The following HIVEP1 variants were observed in gnomAD, a reference collection of about 807,000 sequenced individuals.
The protein encoded by HIVEP1 is zinc finger protein 40.
A neutral mutation model predicts 180.0 loss-of-function variants in HIVEP1; 36 were observed. The observed-to-expected ratio is 0.20, with a 90% CI of 0.15 to 0.26. The LOEUF (loss-of-function observed/expected upper bound fraction) is 0.26, where lower values mean the gene tolerates loss of function less well. Among genes scored for constraint, HIVEP1 ranks in the 10% least tolerant of loss-of-function variants. The pLI, the probability that HIVEP1 is intolerant of heterozygous loss-of-function variation, is 1.00. For synonymous variants in HIVEP1, 1,239 were observed against 1,239.0 expected (o/e 1.00, Z 0.00); for missense variants, 3,143 against 3,268.7 (o/e 0.96, Z 0.94).
chr6:12,112,362 A>ATTCTTTTTCTCCCTTTTC (rs1341601239), intron 3 of HIVEP1, among the ~76,000 whole-genome samples: 114 of 151,802 alleles, frequency 7.5e-4, no homozygotes, highest in African/African-American at 2.7e-3. Flanking sequence ...TATTGTCTAA[A>ATTCTTTTTCTCCCTTTTC]TTCTTTTTCT....
chr6:12,077,484 C>CT (rs920737267), intron 2 of HIVEP1, among the ~76,000 whole-genome samples: 50 of 152,254 alleles, frequency 3.3e-4, no homozygotes, highest in African/African-American at 1.2e-3. Context: ...CACTTGTCAT[C>CT]TTTCGTAGGC....
chr6:12,124,305 T>C lies in HIVEP1; in HGVS notation c.4510T>C (p.Phe1504Leu), dbSNP rs1022023233. 3.1e-6 allele frequency: 5 copies of C among 1,613,982 alleles called. No homozygotes were observed. The African/African-American group carries it at 5.3e-5, about 17-fold the overall frequency. ...ATCAAACTCCAGCTCTACCAACGTT[T>C]TTCCTGTTCAACAGCTCTGTGATAT... Reference protein sequence around the residue: ...ETSNSSSTNVFPVQQLCDINL... With the variant: ...ETSNSSSTNVLPVQQLCDINL... Residue 1504 changes from phenylalanine to leucine, a missense_variant, in exon 4 of 9, where the codon TTT becomes CTT. Physicochemically the swap from Phe to Leu is conservative, Grantham distance 22. Transcript: ENST00000379388.
Position 12,124,126 on chromosome 6 carries a change from C to G in HIVEP1, c.4331C>G (p.Ser1444Cys). The G allele has an allele frequency of 6.2e-7, 1 of 1,614,154 alleles. No individual in the cohort carries two copies. The highest frequency in any genetic ancestry group is 1.1e-5 in the South Asian group (1 of 91,074). The change falls in exon 4 of 9, where the codon TCT (serine) becomes TGT (cysteine). Residue 1444 changes from serine (S) to cysteine (C), a missense_variant. This residue lies in a region of HIVEP1 where 1,357 missense variants were observed against 1,260.5 expected (regional missense o/e 1.08). Coordinates refer to ENST00000379388, the MANE Select transcript of HIVEP1 (RefSeq NM_002114.4). The stretch of plus-strand genomic sequence containing the variant: ...AACATAGCCCCAGATAGTCATCTGT[C>G]TCCTGTACACCCAACATCTTTCCAA... ...SLNIAPDSHL[S>C]PVHPTSFQNT...
the HIVEP1 span, among the ~76,000 whole-genome samples, chr6:12,178,458 T>C: frequency 6.6e-6 from 1 of 152,134 alleles, no homozygotes; most frequent in Non-Finnish European, 1.5e-5. Context: ...AAATATGCAA[T>C]TCATATTAGA....
chr6:12,121,523 C>T lies in HIVEP1; in HGVS notation c.1728C>T (p.Asp576=). The change falls in exon 4 of 9, where the codon GAC becomes GAT. Residue 576 remains aspartate (D), a synonymous_variant. Coordinates refer to ENST00000379388, the MANE Select transcript of HIVEP1 (RefSeq NM_002114.4). This position sits in a 1 kb window ranked among gnomAD's most constrained non-coding sequence, Gnocchi z 5.3. ...HHVTVSPLRT[D]SPKAMDPKPE... The stretch of plus-strand genomic sequence containing the variant: ...TCACTGTGTCCCCCTTAAGAACTGA[C>T]AGTCCAAAGGCCATGGATCCCAAGC... 1.2e-6 allele frequency: 2 copies of T among 1,614,168 alleles called. No homozygotes were observed. The highest frequency in any genetic ancestry group is 1.7e-6 in the Non-Finnish European group (2 of 1,180,038).
intron 3 of HIVEP1, among the ~76,000 whole-genome samples, chr6:12,106,388 A>G (rs1409701428): frequency 6.6e-6 from 1 of 152,090 alleles, no homozygotes; most frequent in Non-Finnish European, 1.5e-5. Context: ...TTTCTTTATT[A>G]TGTAAGCCAC....
rs1757984120 is a variant in HIVEP1 at position 12,125,208 on chromosome 6, A to G, written c.5413A>G (p.Thr1805Ala). 6.2e-7 allele frequency: 1 copy of G among 1,614,190 alleles called. No homozygotes were observed. Among genetic ancestry groups the G allele is most frequent in the Non-Finnish European group, 8.5e-7 (1 of 1,180,024 alleles). ...KPILVRQVCT[T>A]EPLDGVMLEK... ...TATTTTAGTGAGACAGGTTTGTACT[A>G]CAGAGCCCCTGGACGGTGTGATGTT... Residue 1805 changes from threonine to alanine, a missense_variant, in exon 4 of 9, where the codon ACA becomes GCA. Thr to Ala is a moderately conservative substitution (Grantham distance 58). Coordinates refer to ENST00000379388, the MANE Select transcript of HIVEP1 (RefSeq NM_002114.4).
At chr6:12,168,154 C>G (rs189205259), downstream of HIVEP1, among the ~76,000 whole-genome samples, 2 of 81,340 alleles carry the variant, frequency 2.5e-5, no homozygotes, top group Non-Finnish European at 4.9e-5. Flanking sequence ...ATTATATATA[C>G]AGATATACGT....
chr6:12,011,023 A>C (rs1027572127), upstream of HIVEP1, among the ~76,000 whole-genome samples: 5 of 151,944 alleles, frequency 3.3e-5, no homozygotes, highest in African/African-American at 7.3e-5. Flanking sequence ...CAGCTTCGGC[A>C]CTGGGAAGCA....
In HIVEP1 at chr6:12,120,752, T is replaced by G. The variant is rs752248590; in HGVS notation, c.957T>G (p.Asn319Lys). ...GSLTNLQNQE[N>K]AKLEQVYNIA... Reference sequence around the variant, plus strand: ...TGACAAATCTGCAAAATCAAGAGAATGCCAAACTTGAACAGGTTTATAATA... The same window carrying G: ...TGACAAATCTGCAAAATCAAGAGAAGGCCAAACTTGAACAGGTTTATAATA... Residue 319 changes from asparagine (N) to lysine (K), a missense_variant, in exon 4 of 9, where the codon AAT (asparagine) becomes AAG (lysine). By Grantham distance (94) the Asn-to-Lys change is moderately conservative. This residue lies in a region of HIVEP1 where 306 missense variants were observed against 310.6 expected (regional missense o/e 0.99). Coordinates refer to ENST00000379388, the MANE Select transcript of HIVEP1 (RefSeq NM_002114.4). The G allele has an allele frequency of 6.2e-7, 1 of 1,614,238 alleles. No individual in the cohort carries two copies. The highest frequency in any genetic ancestry group is 1.3e-5 in the African/African-American group (1 of 75,066).
intron 2 of HIVEP1, among the ~76,000 whole-genome samples, chr6:12,072,330 T>C (rs974853241): frequency 6.6e-6 from 1 of 152,194 alleles, no homozygotes; most frequent in Non-Finnish European, 1.5e-5. Context: ...TGGCTAGATA[T>C]AGAATTCTAG....
chr6:12,023,472 T>C (rs1310121785), intron 2 of HIVEP1, among the ~76,000 whole-genome samples: 2 of 152,218 alleles, frequency 1.3e-5, no homozygotes, highest in African/African-American at 2.4e-5. Context: ...CCATGGCTTA[T>C]TTCAAAAACA....
At chr6:12,009,266 G>A (rs1299262304), upstream of HIVEP1, among the ~76,000 whole-genome samples, 1 of 150,858 alleles carries the variant, frequency 6.6e-6, no homozygotes, top group African/African-American at 2.4e-5. Context: ...CGGCGGGGGC[G>A]GGCAGGGTGG....
intron 2 of HIVEP1, among the ~76,000 whole-genome samples, chr6:12,084,900 G>A (rs1327731459): frequency 6.6e-6 from 1 of 152,064 alleles, no homozygotes; most frequent in Non-Finnish European, 1.5e-5. Context: ...ATAGATCTAA[G>A]GGAGCAATAG....
At chr6:12,126,062 G>T (rs771168719) in intron 4 of HIVEP1, among the ~76,000 whole-genome samples, 192 bp downstream of exon 4, 1 of 152,130 alleles carries the variant, frequency 6.6e-6, no homozygotes, top group African/African-American at 2.4e-5. Flanking sequence ...CAAGAGTCTT[G>T]CAGTGATTCT....
intron 2 of HIVEP1, among the ~76,000 whole-genome samples, chr6:12,030,226 C>G (rs1768849760): frequency 1.3e-5 from 2 of 152,044 alleles, no homozygotes; most frequent in Admixed American, 1.3e-4. Context: ...ATTTGTTTCT[C>G]ATCTTTCTCC....
At chr6:12,065,690 TGC>T (rs565391522) in intron 2 of HIVEP1, among the ~76,000 whole-genome samples, 49,965 of 119,450 alleles carry the variant, frequency 0.42, 8,053 homozygotes, top group South Asian at 0.48. Context: ...TGTGTGTGTG[TGC>T]GTGTGTGTGT....
chr6:12,188,210 G>A, the HIVEP1 span, among the ~76,000 whole-genome samples: 2 of 151,978 alleles, frequency 1.3e-5, no homozygotes, highest in Non-Finnish European at 2.9e-5. Context: ...AACCAAATGG[G>A]GTTCATACCA....
chr6:12,199,223 T>C, the HIVEP1 span, among the ~76,000 whole-genome samples: 1 of 152,232 alleles, frequency 6.6e-6, no homozygotes, highest in African/African-American at 2.4e-5. Context: ...TCCAACAGAA[T>C]GGCATTGGAA....
Sources: gnomAD v4.1 joint callset for allele counts (sites outside exome capture counted in the v4.1 genomes callset) on GRCh38, gnomAD v4.1.1 for gene constraint, gnomAD v4.1.1 regional missense constraint, Gnocchi (gnomAD v3.1) non-coding constraint, MANE v1.5 for transcripts, NCBI Gene and HGNC (gene_info 2026-07-23, HGNC 2026-07-21) for gene names.